Variants in TRIM61 observed in about 807,000 individuals in gnomAD.
TRIM61 encodes the protein tripartite motif containing 61, also known as putative tripartite motif-containing protein 61.
Under a neutral mutation model 14.2 loss-of-function variants are expected in TRIM61, and 1 was observed. That is an observed-to-expected ratio of 0.07 (90% CI 0.03 to 0.33). The LOEUF (loss-of-function observed/expected upper bound fraction) is 0.33. Ranked by LOEUF, TRIM61 falls within the 10% of genes least tolerant of loss-of-function variation. The pLI is 0.99. For synonymous variants in TRIM61, 8 were observed against 71.6 expected, an observed-to-expected ratio of 0.11 and a Z score of 4.49; for missense variants, 19 against 202.2, an observed-to-expected ratio of 0.09 and a Z score of 5.49.
chr4:164,973,344 T>C (rs1732412054), intron 2 of TRIM61, among the ~76,000 whole-genome samples: 2 of 152,256 alleles, frequency 1.3e-5, no homozygotes, highest in African/African-American at 4.8e-5. Context: ...ATCACTAAGT[T>C]GTACTGCTCC....
chr4:164,975,049 A>G (rs755071159), intron 2 of TRIM61, among the ~76,000 whole-genome samples: 26 of 152,140 alleles, frequency 1.7e-4, no homozygotes, highest in Non-Finnish European at 3.1e-4. Context: ...CCTGGACAAC[A>G]TGGTGAAACC....
At chr4:164,971,217 A>G (rs531260983) in intron 2 of TRIM61, among the ~76,000 whole-genome samples, 56 of 152,346 alleles carry the variant, frequency 3.7e-4, no homozygotes, top group African/African-American at 1.3e-3. Flanking sequence ...AAGAAGTAAA[A>G]TGCCCTTGTT....
intron 3 of TRIM61, among the ~76,000 whole-genome samples, chr4:164,963,237 C>G (rs1178689125): frequency 6.6e-6 from 1 of 151,972 alleles, no homozygotes; most frequent in African/African-American, 2.4e-5. Flanking sequence ...ATAGTCAGAC[C>G]CTGTTTTAAT....
chr4:164,954,559 G>A lies in TRIM61; in HGVS notation c.*226C>T, dbSNP rs1422445785. On this transcript the variant is annotated 3_prime_UTR_variant, in exon 5 of 5. Transcript: ENST00000329314. ...ATTGATTATAATTCAATATGTTCTT[G>A]TATTAATTAGCATATTTATATGTAC... 2.0e-5 allele frequency: 3 copies of A among 152,082 alleles called. No individual in the cohort carries two copies. Among genetic ancestry groups the A allele is most frequent in the Non-Finnish European group, 2.9e-5 (2 of 68,018 alleles). 9.4% of individuals were successfully genotyped at this position (152,082 alleles called of 1,614,324 possible).
At chr4:164,968,176 A>T in intron 3 of TRIM61, 105 bp downstream of exon 3, 2 of 985,112 alleles carry the variant, frequency 2.0e-6, no homozygotes, top group Non-Finnish European at 1.2e-6. Context: ...AAAGAAAAGA[A>T]AAGAAAAAGA....
intron 3 of TRIM61, chr4:164,968,945 TC>T: frequency 1.0e-6 from 1 of 1,003,562 alleles, no homozygotes; most frequent in Non-Finnish European, 1.2e-6. Context: ...CACTTCTACT[TC>T]CCAGTACTGC....
chr4:164,959,420 T>A (rs1339800827), intron 3 of TRIM61, among the ~76,000 whole-genome samples: 1 of 151,950 alleles, frequency 6.6e-6, no homozygotes, highest in East Asian at 1.9e-4. Context: ...TTTTCTTCCC[T>A]TCTTTTGGTG....
chr4:164,968,160 GA>G lies in TRIM61; in HGVS notation c.525+1317del, dbSNP rs1732281193. On this transcript the variant is annotated intron_variant, in intron 3 of 4. Transcript: ENST00000329314. ...GAAAAAAGGGGAGGGGAGGGGAGAA[GA>G]GGAAAAAGAAAAGAAAAGAAAAAGA... 7.1e-6 allele frequency: 7 copies of G among 984,614 alleles called. No individual in the cohort carries two copies. In the African/African-American group the frequency reaches 1.0e-4, roughly 15 times the overall value. The allele number at this position is 984,614 out of a possible 1,614,324, so 61.0% of individuals were successfully genotyped here. A position where few individuals can be genotyped will look rare whatever the true frequency, so the allele number is the denominator to read the frequency against.
rs147058101 is a variant in TRIM61, at chr4:164,962,389, T to TTGTGTGTG, written c.525+7081_525+7088dup. 2.5e-3 allele frequency among the ~76,000 whole-genome samples: 373 copies of TTGTGTGTG among 146,512 alleles called. 2 individuals are homozygous for TTGTGTGTG. The highest frequency in any genetic ancestry group is 8.9e-3 in the African/African-American group (353 of 39,600). On this transcript the variant is annotated intron_variant, in intron 3 of 4. Transcript: ENST00000329314. ...GCGCCTGCCACCATGCCTGGCTAATTTGTGTGTGTGTGTGTGTGTGTGTGT... is the reference window on the plus strand; with the variant it reads ...GCGCCTGCCACCATGCCTGGCTAATTTGTGTGTGTGTGTGTGTGTGTGTGTGTGTGTGT...
At chr4:164,974,015 C>G (rs1282994740) in intron 2 of TRIM61, among the ~76,000 whole-genome samples, 2 of 152,180 alleles carry the variant, frequency 1.3e-5, no homozygotes, top group Non-Finnish European at 2.9e-5. Flanking sequence ...CCTGAAAATA[C>G]AAAAATTAGC....
chr4:164,971,025 C>G (rs376328851), intron 2 of TRIM61, among the ~76,000 whole-genome samples: 3 of 151,962 alleles, frequency 2.0e-5, no homozygotes, highest in Non-Finnish European at 4.4e-5. Context: ...CACTGGAACC[C>G]GGGAGGCAGA....
At chr4:164,963,529 A>C (rs1732178025) in intron 3 of TRIM61, among the ~76,000 whole-genome samples, 1 of 152,080 alleles carries the variant, frequency 6.6e-6, no homozygotes, top group Admixed American at 6.6e-5. Flanking sequence ...AGATCACCTG[A>C]GGTCAGGAGT....
At chr4:164,955,785 A>C (rs1731973797) in intron 3 of TRIM61, among the ~76,000 whole-genome samples, 3 of 152,088 alleles carry the variant, frequency 2.0e-5, no homozygotes, top group African/African-American at 7.2e-5. Context: ...ACCCAGATGG[A>C]AGCACAATGC....
intron 2 of TRIM61, among the ~76,000 whole-genome samples, chr4:164,975,468 T>C (rs900011271): frequency 6.6e-6 from 1 of 152,200 alleles, no homozygotes; most frequent in South Asian, 2.1e-4. Flanking sequence ...CTTTAAACAA[T>C]TGCTTTGCTG....
At chr4:164,977,422 C>A (rs537724682) in intron 1 of TRIM61, 109 bp downstream of exon 1, 1 of 152,304 alleles carries the variant, frequency 6.6e-6, no homozygotes, top group Non-Finnish European at 1.5e-5. Context: ...CAGTCGTGGG[C>A]AGGCAGCGAC....
rs6834073 is a variant in TRIM61, at chr4:164,954,456, T to G, written c.*329A>C. ...ACATAGGAAGGAACCTTGGGGAGTT[T>G]GTGCATTTTATTTTTTAACCATCAG... On this transcript the variant is annotated 3_prime_UTR_variant, in exon 5 of 5. Coordinates refer to ENST00000329314, the MANE Select transcript of TRIM61 (RefSeq NM_001012414.3). The G allele has an allele frequency of 2.6e-5, 4 of 152,140 alleles. No homozygotes were observed. Among genetic ancestry groups the G allele is most frequent in the African/African-American group, 9.7e-5 (4 of 41,440 alleles). The allele number at this position is 152,140 out of a possible 1,614,324, so 9.4% of individuals were successfully genotyped here.
intron 2 of TRIM61, among the ~76,000 whole-genome samples, chr4:164,973,046 G>C (rs1429649411): frequency 2.0e-5 from 3 of 152,092 alleles, no homozygotes; most frequent in African/African-American, 7.2e-5. Context: ...ACCACTTTCT[G>C]CTTAGATTAC....
At chr4:164,959,235 A>G (rs111499486) in intron 3 of TRIM61, 6,014 of 164,032 alleles carry the variant, frequency 0.037, 375 homozygotes, top group African/African-American at 0.14. Flanking sequence ...TATAGTGCTC[A>G]ATCTCCTGAA....
At position 164,955,062 on chromosome 4, in the gene TRIM61, C is replaced by T. The variant is rs1416169674; in HGVS notation, c.560G>A (p.Ser187Asn). ...GTTGAAGTGAGCCGAGATCGTGCAA[C>T]TGCACTCCAGCCTGGTGACAGAAGG... Residue 187 changes from serine to asparagine, a missense_variant, in exon 4 of 5, where the codon AGT becomes AAT. By Grantham distance (46) the Ser-to-Asn change is conservative. Transcript: ENST00000329314. 1 of 203,850 alleles carries T rather than the reference C, an allele frequency of 4.9e-6. No homozygotes were observed. The highest frequency in any genetic ancestry group is 5.3e-5 in the South Asian group (1 of 18,936). The allele number at this position is 203,850 out of a possible 1,614,324, so 12.6% of individuals were successfully genotyped here. A position where few individuals can be genotyped will look rare whatever the true frequency, so the allele number is the denominator to read the frequency against.
Sources: allele counts gnomAD v4.1 joint callset (sites outside exome capture counted in the v4.1 genomes callset), GRCh38; gene constraint gnomAD v4.1.1; transcripts MANE v1.5; gene names NCBI Gene and HGNC (gene_info 2026-07-23, HGNC 2026-07-21).